The following DPH6 variants were observed in gnomAD, a reference collection of about 807,000 sequenced individuals.
DPH6 encodes the protein diphthine--ammonia ligase.
DPH6 carries 33 observed loss-of-function variants against 38.2 expected under a neutral mutation model. The observed-to-expected ratio is 0.86, with a 90% CI of 0.65 to 1.15. The LOEUF is 1.15. Ranked by LOEUF, DPH6 falls within the 50% of genes most tolerant of loss-of-function variation. The pLI is 0.00. For missense variants in DPH6, 325 were observed against 320.0 expected (o/e 1.02, Z -0.12); for synonymous variants, 108 against 103.0 (o/e 1.05, Z -0.30).
At chr15:35,407,516 T>A (rs1220398521) in intron 6 of DPH6, among the ~76,000 whole-genome samples, 1 of 152,008 alleles carries the variant, frequency 6.6e-6, no homozygotes, top group Non-Finnish European at 1.5e-5. Flanking sequence ...GGCAAGATTA[T>A]TGGAGCTTAC....
Position 35,503,307 on chromosome 15 carries a change from T to C in DPH6, c.312+34967A>G, listed in dbSNP as rs528429956. ...ACATTTCAATTTAACTGAAGTTAAATTTTAAAAAGACCATCCCCTTTTCAC... is the reference window on the plus strand; with the variant it reads ...ACATTTCAATTTAACTGAAGTTAAACTTTAAAAAGACCATCCCCTTTTCAC... On this transcript the variant is annotated intron_variant, in intron 3 of 8. Coordinates refer to ENST00000256538, the MANE Select transcript of DPH6 (RefSeq NM_080650.4). 9.2e-5 allele frequency among the ~76,000 whole-genome samples: 14 copies of C among 152,172 alleles called. No homozygotes were observed. In the East Asian group the frequency reaches 2.7e-3, roughly 29 times the overall value.
At position 35,496,577 on chromosome 15, in the gene DPH6, T is replaced by A. The variant is rs868000443; in HGVS notation, c.312+41697A>T. On this transcript the variant is annotated intron_variant, in intron 3 of 8. Coordinates refer to ENST00000256538, the MANE Select transcript of DPH6 (RefSeq NM_080650.4). ...TCTCAAAAAAAAAAAAATATATATA[T>A]ATATATATATATATCCTCTACCAAT... Among the ~76,000 whole-genome samples the A allele has an allele frequency of 2.8e-3, 259 of 93,208 alleles. 5 individuals carry two copies. Among genetic ancestry groups the A allele is most frequent in the African/African-American group, 0.015 (221 of 14,786 alleles). 61.1% of individuals were successfully genotyped at this position (93,208 alleles called of 152,430 possible). A position where few individuals can be genotyped will look rare whatever the true frequency, so the allele number is the denominator to read the frequency against.
chr15:35,322,623 T>C (rs900587695), intron 3 of DPH6, among the ~76,000 whole-genome samples: 1 of 152,218 alleles, frequency 6.6e-6, no homozygotes, highest in African/African-American at 2.4e-5. Flanking sequence ...AGTATAACCC[T>C]GACAGCATCT....
intron 3 of DPH6, chr15:35,489,631 T>A: frequency 1.0e-6 from 1 of 981,538 alleles, no homozygotes; most frequent in South Asian, 4.7e-5. Context: ...CTCTGCAACA[T>A]AATGTTAAGT....
intron 6 of DPH6, among the ~76,000 whole-genome samples, chr15:35,399,171 A>G (rs1462361365): frequency 6.6e-6 from 1 of 152,188 alleles, no homozygotes; most frequent in Non-Finnish European, 1.5e-5. Context: ...ATGGGAGAAG[A>G]AAATCAAAAC....
intron 3 of DPH6, among the ~76,000 whole-genome samples, chr15:35,279,084 T>TATATATATATATATATATATATAA (rs1440623243): frequency 7.0e-6 from 1 of 143,310 alleles, no homozygotes; most frequent in African/African-American, 2.6e-5. Context: ...TATATATATA[T>TATATATATATATATATATATATAA]AATTTTGGAG....
chr15:35,298,062 A>G (rs1368405101), intron 3 of DPH6, among the ~76,000 whole-genome samples: 5 of 151,962 alleles, frequency 3.3e-5, no homozygotes, highest in African/African-American at 1.2e-4. Flanking sequence ...TTTTTTGTAA[A>G]CGGATTTTTA....
At chr15:35,233,087 C>G (rs2051529279) in intron 3 of DPH6, among the ~76,000 whole-genome samples, 1 of 152,106 alleles carries the variant, frequency 6.6e-6, no homozygotes, top group Non-Finnish European at 1.5e-5. Flanking sequence ...GTGGGGGGAT[C>G]ACTTGAGGTC....
chr15:35,283,287 C>A (rs978671740), intron 3 of DPH6, among the ~76,000 whole-genome samples: 1 of 150,014 alleles, frequency 6.7e-6, no homozygotes, highest in South Asian at 2.1e-4. Context: ...TCCTCTTCTT[C>A]TTCCTCCTCC....
the DPH6 span, among the ~76,000 whole-genome samples, chr15:35,151,698 G>A: frequency 6.6e-6 from 1 of 152,184 alleles, no homozygotes; most frequent in Admixed American, 6.5e-5. Context: ...CTTGTGCCCT[G>A]AGCTACTGGG....
At chr15:35,164,947 C>T in the DPH6 span, among the ~76,000 whole-genome samples, 9 of 151,730 alleles carry the variant, frequency 5.9e-5, no homozygotes, top group Non-Finnish European at 1.2e-4. Context: ...GGAAAGAGAC[C>T]ATCCCCCCTA....
chr15:35,176,151 A>AT, the DPH6 span, among the ~76,000 whole-genome samples: 4 of 152,264 alleles, frequency 2.6e-5, no homozygotes, highest in East Asian at 7.7e-4. Flanking sequence ...ACACATTTTA[A>AT]TTTTTTTGTA....
intron 3 of DPH6, among the ~76,000 whole-genome samples, chr15:35,271,590 T>C (rs1042202607): frequency 2.6e-5 from 4 of 152,172 alleles, no homozygotes; most frequent in Non-Finnish European, 5.9e-5. Context: ...GAGTAATACA[T>C]AGTGACCACT....
the DPH6 span, among the ~76,000 whole-genome samples, chr15:35,157,963 C>T: frequency 6.6e-6 from 1 of 151,890 alleles, no homozygotes; most frequent in Non-Finnish European, 1.5e-5. Flanking sequence ...AAATCCTTAT[C>T]AGATCTTCTA....
intron 5 of DPH6, among the ~76,000 whole-genome samples, chr15:35,430,408 T>A (rs984785178): frequency 5.3e-5 from 7 of 133,052 alleles, no homozygotes; most frequent in South Asian, 2.5e-4. Context: ...AAAAAAAAAA[T>A]GCAATTATTG....
intron 3 of DPH6, among the ~76,000 whole-genome samples, chr15:35,346,199 T>A (rs1295421576): frequency 6.6e-6 from 1 of 152,022 alleles, no homozygotes; most frequent in Non-Finnish European, 1.5e-5. Flanking sequence ...GGGACCTCAT[T>A]GACTCCCCCT....
downstream of DPH6, among the ~76,000 whole-genome samples, chr15:35,328,155 A>ATAC (rs2052300182): frequency 6.6e-6 from 1 of 152,154 alleles, no homozygotes; most frequent in Non-Finnish European, 1.5e-5. Flanking sequence ...CATTGTGAAA[A>ATAC]GGTAGAGTCT....
the DPH6 span, among the ~76,000 whole-genome samples, chr15:35,207,861 C>T: frequency 1.3e-5 from 2 of 152,130 alleles, no homozygotes; most frequent in African/African-American, 2.4e-5. Context: ...AAATTAAATA[C>T]CACTAACCGG....
At chr15:35,208,377 T>C in the DPH6 span, among the ~76,000 whole-genome samples, 3 of 152,172 alleles carry the variant, frequency 2.0e-5, no homozygotes, top group Admixed American at 2.0e-4. Context: ...GACTCTCAGA[T>C]ATGCAAGCAA....
Sources: gnomAD v4.1 joint callset for allele counts (sites outside exome capture counted in the v4.1 genomes callset) on GRCh38, gnomAD v4.1.1 for gene constraint, MANE v1.5 for transcripts, NCBI Gene and HGNC (gene_info 2026-07-23, HGNC 2026-07-21) for gene names.